Variants in MAML2 observed in about 807,000 individuals in gnomAD.
MAML2 encodes the protein mastermind-like protein 2.
Under a neutral mutation model 96.1 loss-of-function variants are expected in MAML2, and 22 were observed. The ratio of observed to expected loss-of-function variants is 0.23; its 90% CI spans 0.16 to 0.33. MAML2 has a LOEUF of 0.33. Ranked by LOEUF, MAML2 falls within the 10% of genes least tolerant of loss-of-function variation. The probability of loss-of-function intolerance (pLI) is 1.00; values close to 1 mark genes in which losing one functional copy is unlikely to be tolerated. For synonymous variants in MAML2, 561 were observed against 521.3 expected (o/e 1.08, Z -1.04); for missense variants, 1,367 against 1,392.4 (o/e 0.98, Z 0.29).
In MAML2 at chr11:96,092,066, C is replaced by A; in HGVS notation, c.1965G>T (p.Gln655His). The change falls in exon 2 of 5, where the codon CAG becomes CAT. Residue 655 changes from glutamine to histidine, a missense_variant. Physicochemically the swap from Gln to His is conservative, Grantham distance 24. Transcript: ENST00000524717. This position sits in a 1 kb window ranked among gnomAD's most constrained non-coding sequence, Gnocchi z 4.1. Reference protein sequence around the residue: ...QQQQQQQQQQQQQQQQQQQQQ... With the variant: ...QQQQQQQQQQHQQQQQQQQQQ... ...GCTGCTGCTGCTGCTGCTGTTGTTG[C>A]TGTTGTTGTTGCTGCTGCTGCTGCT... 1 of 1,551,762 alleles carries A rather than the reference C, an allele frequency of 6.4e-7. No individual in the cohort carries two copies. Among genetic ancestry groups the A allele is most frequent in the South Asian group, 1.2e-5 (1 of 84,144 alleles).
rs181311964 is a variant in MAML2 at position 96,149,712 on chromosome 11, C to T, written c.514-56195G>A. Among the ~76,000 whole-genome samples, 435 of 152,146 alleles carry T rather than the reference C, an allele frequency of 2.9e-3. 6 individuals are homozygous for T. Among genetic ancestry groups the T allele is most frequent in the Admixed American group, 0.019 (284 of 15,280 alleles). On this transcript the variant is annotated intron_variant, in intron 1 of 4. Transcript: ENST00000524717. ...TCACGCCACTGCACTCCAGCCCAGG[C>T]GACAGAGTGAGACTCTGTCTCAAAA... is the stretch of plus-strand genomic sequence containing the variant.
At chr11:96,091,605 T>A (rs1195094783) in intron 2 of MAML2, among the ~76,000 whole-genome samples, 12 of 152,180 alleles carry the variant, frequency 7.9e-5, no homozygotes, top group Admixed American at 7.8e-4. Flanking sequence ...GATTGACAAC[T>A]GGATATGTCA....
Position 96,091,739 on chromosome 11 carries a change from C to T in MAML2, c.2139+153G>A, listed in dbSNP as rs1034055057. 3.9e-5 allele frequency among the ~76,000 whole-genome samples: 6 copies of T among 152,132 alleles called. No individual in the cohort carries two copies. The South Asian group carries it at 8.3e-4, about 21-fold the overall frequency. On this transcript the variant is annotated intron_variant, in intron 2 of 4. Coordinates refer to ENST00000524717, the MANE Select transcript of MAML2 (RefSeq NM_032427.4). ...CTTGCCTCTAGATGCCCTCAACGAA[C>T]CAGGCTTTATGAGGTCTTCATATGA...
At chr11:96,123,644 C>T (rs1003333289) in intron 1 of MAML2, among the ~76,000 whole-genome samples, 5 of 152,220 alleles carry the variant, frequency 3.3e-5, no homozygotes, top group Admixed American at 2.6e-4. Flanking sequence ...CCTCTGGAAT[C>T]ACCAAGTGGT....
At chr11:96,258,651 A>C (rs1862703965) in intron 1 of MAML2, among the ~76,000 whole-genome samples, 1 of 152,218 alleles carries the variant, frequency 6.6e-6, no homozygotes, top group African/African-American at 2.4e-5. Flanking sequence ...ACAGTGGTCT[A>C]AGCCAGTGTG....
At chr11:96,208,072 C>T (rs1861919816) in intron 1 of MAML2, among the ~76,000 whole-genome samples, 2 of 152,278 alleles carry the variant, frequency 1.3e-5, no homozygotes, top group South Asian at 4.1e-4. Context: ...ACATTTTTTG[C>T]TGCAGTGATT....
chr11:96,116,050 C>T (rs1223240242), intron 1 of MAML2, among the ~76,000 whole-genome samples: 1 of 152,058 alleles, frequency 6.6e-6, no homozygotes, highest in Non-Finnish European at 1.5e-5. Context: ...AAGTCTGAGG[C>T]CAGGAAGCTA....
At chr11:96,012,546 G>A (rs748672999) in intron 2 of MAML2, among the ~76,000 whole-genome samples, 16 of 152,132 alleles carry the variant, frequency 1.1e-4, no homozygotes, top group Non-Finnish European at 1.3e-4. Flanking sequence ...ATGTGCACAT[G>A]TCTTGACTTT....
chr11:96,297,033 C>G lies in MAML2; in HGVS notation c.513+44350G>C, dbSNP rs191021017. 2.4e-4 allele frequency among the ~76,000 whole-genome samples: 36 copies of G among 152,162 alleles called. No homozygotes were observed. The East Asian group carries it at 5.0e-3, about 21-fold the overall frequency. ...ACTAAAAGTAATGAGTCTTGTCCAC[C>G]CACCTGTGCACATCATAGGTACTGT... On this transcript the variant is annotated intron_variant, in intron 1 of 4. Transcript: ENST00000524717.
At chr11:96,307,516 G>A (rs1330922301) in intron 1 of MAML2, among the ~76,000 whole-genome samples, 1 of 152,072 alleles carries the variant, frequency 6.6e-6, no homozygotes, top group African/African-American at 2.4e-5. Context: ...ATCTAGCCCA[G>A]GCACTCTCGA....
chr11:96,159,407 CTTTTTTTTTTTTT>C (rs760811590), intron 1 of MAML2, among the ~76,000 whole-genome samples: 1 of 91,122 alleles, frequency 1.1e-5, no homozygotes, highest in African/African-American at 4.4e-5. Flanking sequence ...ACCACTGATT[CTTTTTTTTTTTTT>C]TTTTTTTTTT....
chr11:96,087,603 C>A (rs372078092), intron 2 of MAML2, among the ~76,000 whole-genome samples: 3 of 152,126 alleles, frequency 2.0e-5, no homozygotes, highest in African/African-American at 7.2e-5. Context: ...TTATATTTAC[C>A]CTTGACCGCA....
At chr11:96,329,367 T>C (rs1419691314) in intron 1 of MAML2, among the ~76,000 whole-genome samples, 3 of 152,222 alleles carry the variant, frequency 2.0e-5, no homozygotes, top group African/African-American at 4.8e-5. Flanking sequence ...CCTTCCGCCA[T>C]GGCTGGACCT....
At chr11:96,130,846 T>A (rs1203925630) in intron 1 of MAML2, among the ~76,000 whole-genome samples, 1 of 152,080 alleles carries the variant, frequency 6.6e-6, no homozygotes, top group Non-Finnish European at 1.5e-5. Flanking sequence ...TCCTATTAAC[T>A]TCTACCCTTT....
intron 1 of MAML2, among the ~76,000 whole-genome samples, chr11:96,205,243 T>C (rs563740343): frequency 6.6e-6 from 1 of 152,380 alleles, no homozygotes; most frequent in East Asian, 1.9e-4. Flanking sequence ...TTCAGTCTAC[T>C]TGAATGCAGC....
At chr11:96,144,409 A>G (rs892118190) in intron 1 of MAML2, among the ~76,000 whole-genome samples, 2 of 152,230 alleles carry the variant, frequency 1.3e-5, no homozygotes, top group African/African-American at 4.8e-5. Flanking sequence ...AGGGGAGAAG[A>G]GGGAGGCAGG....
chr11:96,000,720 C>A (rs923785221), intron 2 of MAML2, among the ~76,000 whole-genome samples: 3 of 152,302 alleles, frequency 2.0e-5, no homozygotes, highest in South Asian at 2.1e-4. Flanking sequence ...TCATCCAACT[C>A]TATTTTACAG....
intron 1 of MAML2, among the ~76,000 whole-genome samples, chr11:96,119,658 G>T (rs1230917796): frequency 6.6e-6 from 1 of 152,200 alleles, no homozygotes; most frequent in South Asian, 2.1e-4. Flanking sequence ...TCAGAGCTGG[G>T]TCTAGAACTC....
intron 1 of MAML2, among the ~76,000 whole-genome samples, chr11:96,099,866 C>T (rs746322920): frequency 2.6e-5 from 4 of 152,152 alleles, no homozygotes; most frequent in South Asian, 2.1e-4. Flanking sequence ...TCTTGAACTC[C>T]TGGGCTCTAG....
Sources: allele counts gnomAD v4.1 joint callset (sites outside exome capture counted in the v4.1 genomes callset), GRCh38; gene constraint gnomAD v4.1.1; non-coding constraint Gnocchi (gnomAD v3.1); transcripts MANE v1.5; gene names NCBI Gene and HGNC (gene_info 2026-07-23, HGNC 2026-07-21).